The following CLYBL variants were observed in gnomAD, a reference collection of about 807,000 sequenced individuals.
The protein encoded by CLYBL is citramalyl-CoA lyase, mitochondrial.
A neutral mutation model predicts 38.9 loss-of-function variants in CLYBL; 31 were observed. That is an observed-to-expected ratio of 0.80 (90% CI 0.60 to 1.08). CLYBL has a LOEUF of 1.08. Ranked by LOEUF, CLYBL falls within the 50% of genes least tolerant of loss-of-function variation. The probability of loss-of-function intolerance (pLI) is 0.00; values close to 1 mark genes in which losing one functional copy is unlikely to be tolerated. For synonymous variants in CLYBL, 171 were observed against 158.6 expected, an observed-to-expected ratio of 1.08 and a Z score of -0.59; for missense variants, 434 against 411.6, an observed-to-expected ratio of 1.05 and a Z score of -0.47.
At chr13:99,850,148 G>A (rs1030620473) in intron 2 of CLYBL, among the ~76,000 whole-genome samples, 5 of 152,106 alleles carry the variant, frequency 3.3e-5, no homozygotes, top group Non-Finnish European at 5.9e-5. Context: ...TAGATAATTG[G>A]ACTTTAGTAA....
chr13:99,618,759 A>T (rs2046751628), intron 1 of CLYBL, among the ~76,000 whole-genome samples: 1 of 151,834 alleles, frequency 6.6e-6, no homozygotes, highest in Non-Finnish European at 1.5e-5. Context: ...CATTATTTTC[A>T]CTGTGAATTT....
At chr13:99,714,285 G>A (rs1234709592) in intron 1 of CLYBL, among the ~76,000 whole-genome samples, 10 of 152,012 alleles carry the variant, frequency 6.6e-5, no homozygotes, top group Admixed American at 4.6e-4. Flanking sequence ...AACTTTTGTC[G>A]AAGGTCTGGT....
chr13:99,764,337 T>C (rs898671685), intron 1 of CLYBL, among the ~76,000 whole-genome samples: 4 of 152,206 alleles, frequency 2.6e-5, no homozygotes, highest in Non-Finnish European at 5.9e-5. Context: ...TTTAAATGTT[T>C]GGTAGGATGC....
Position 99,606,719 on chromosome 13 carries a change from G to T in CLYBL, c.24G>T (p.Arg8Ser). MALRLLR[R>S]AARGAAAAAL... ...AGATGGCGCTACGTCTGCTGCGGAG[G>T]GCGGCGCGCGGAGCTGCGGCGGCGG... Residue 8 changes from arginine to serine, a missense_variant, in exon 1 of 9, where the codon AGG becomes AGT. Arg to Ser is a moderately radical substitution (Grantham distance 110). Coordinates refer to ENST00000339105, the MANE Select transcript of CLYBL (RefSeq NM_206808.5). 6.7e-7 allele frequency: 1 copy of T among 1,492,252 alleles called. No homozygotes were observed. Among genetic ancestry groups the T allele is most frequent in the Admixed American group, 2.2e-5 (1 of 45,712 alleles). The allele number at this position is 1,492,252 out of a possible 1,614,324, so 92.4% of individuals were successfully genotyped here.
intron 1 of CLYBL, among the ~76,000 whole-genome samples, chr13:99,713,334 C>CTTTTTTTTTTTTTTTTTT (rs759844768): frequency 9.8e-6 from 1 of 101,672 alleles, no homozygotes; most frequent in African/African-American, 3.9e-5. Context: ...TTCTCTATTT[C>CTTTTTTTTTTTTTTTTTT]TTTTTTTTTT....
intron 2 of CLYBL, among the ~76,000 whole-genome samples, chr13:99,817,744 T>C (rs1466557520): frequency 6.6e-6 from 1 of 151,618 alleles, no homozygotes; most frequent in Non-Finnish European, 1.5e-5. Context: ...GGCTCATGCC[T>C]ATAATCCTAG....
chr13:99,701,929 C>T (rs2048072851), intron 1 of CLYBL, among the ~76,000 whole-genome samples: 1 of 152,168 alleles, frequency 6.6e-6, no homozygotes, highest in African/African-American at 2.4e-5. Flanking sequence ...ATCTTGGCCT[C>T]CCAAAGTGCT....
intron 1 of CLYBL, among the ~76,000 whole-genome samples, chr13:99,656,585 T>C (rs997379977): frequency 2.0e-5 from 3 of 152,246 alleles, no homozygotes; most frequent in African/African-American, 7.2e-5. Context: ...AGCCAATGTT[T>C]ACATGGCAGT....
chr13:99,886,526 A>G (rs531148413), intron 7 of CLYBL, among the ~76,000 whole-genome samples: 2 of 152,378 alleles, frequency 1.3e-5, no homozygotes, highest in South Asian at 2.1e-4. Context: ...CACCTCCAGG[A>G]GTCTGAAATC....
At chr13:99,780,469 C>T (rs1048947434) in intron 2 of CLYBL, among the ~76,000 whole-genome samples, 1 of 152,146 alleles carries the variant, frequency 6.6e-6, no homozygotes, top group Non-Finnish European at 1.5e-5. Context: ...CAAGCTCTGC[C>T]TCCTGGGTTC....
At chr13:99,622,715 A>G (rs1460370424) in intron 1 of CLYBL, among the ~76,000 whole-genome samples, 1 of 151,288 alleles carries the variant, frequency 6.6e-6, no homozygotes, top group Non-Finnish European at 1.5e-5. Context: ...CCTCTCCTCA[A>G]CCCCTGGCAA....
chr13:99,701,993 AAGT>A (rs2048074197), intron 1 of CLYBL, among the ~76,000 whole-genome samples: 3 of 152,186 alleles, frequency 2.0e-5, no homozygotes, highest in African/African-American at 7.2e-5. Context: ...TCTCCCCTGT[AAGT>A]AGCAGCCAAC....
intron 8 of CLYBL, among the ~76,000 whole-genome samples, chr13:99,902,599 A>T (rs2052654921): frequency 1.3e-5 from 2 of 152,230 alleles, no homozygotes; most frequent in Non-Finnish European, 2.9e-5. Flanking sequence ...TGTAGCGTTT[A>T]TAAAAATTGT....
intron 1 of CLYBL, among the ~76,000 whole-genome samples, chr13:99,691,950 G>C (rs1192172074): frequency 3.3e-5 from 5 of 152,174 alleles, no homozygotes; most frequent in African/African-American, 4.8e-5. Flanking sequence ...GGAGCTCCCG[G>C]TCCCTGAGTT....
intron 1 of CLYBL, among the ~76,000 whole-genome samples, chr13:99,754,624 G>A (rs1164829293): frequency 6.6e-6 from 1 of 150,838 alleles, no homozygotes. Context: ...GCGTTCTGTA[G>A]CCCAGGCTGG....
chr13:99,678,143 C>T (rs941741457), intron 1 of CLYBL, among the ~76,000 whole-genome samples: 10 of 152,112 alleles, frequency 6.6e-5, no homozygotes, highest in African/African-American at 1.9e-4. Flanking sequence ...ATGGCATTAC[C>T]GATATTGTTG....
chr13:99,665,761 G>A (rs1172992712), intron 1 of CLYBL, among the ~76,000 whole-genome samples: 1 of 152,122 alleles, frequency 6.6e-6, no homozygotes, highest in Non-Finnish European at 1.5e-5. Flanking sequence ...ATATGTCCAT[G>A]GTTTTCTTTA....
intron 1 of CLYBL, among the ~76,000 whole-genome samples, chr13:99,625,497 T>G (rs2046856880): frequency 6.6e-6 from 1 of 152,186 alleles, no homozygotes; most frequent in Non-Finnish European, 1.5e-5. Context: ...TGTTAATAAT[T>G]TGAGGGATTA....
chr13:99,637,961 C>CTTT lies in CLYBL; in HGVS notation c.62+31204_62+31205insTTT, dbSNP rs1566595642. Among the ~76,000 whole-genome samples the CTTT allele has an allele frequency of 6.0e-4, 32 of 53,670 alleles. 2 individuals are homozygous for CTTT. The highest frequency in any genetic ancestry group is 2.6e-3 in the African/African-American group (32 of 12,138). The allele number at this position is 53,670 out of a possible 152,430, so 35.2% of individuals were successfully genotyped here. On this transcript the variant is annotated intron_variant, in intron 1 of 8. Transcript: ENST00000339105. ...TATCTAGTTATCCAAGTCAACAGTGCCTTTTTTTTTTTTTTTTTTTGAGAC... is the reference window on the plus strand; with the variant it reads ...TATCTAGTTATCCAAGTCAACAGTGCTTTCTTTTTTTTTTTTTTTTTTTGAGAC...
Sources: gnomAD v4.1 joint callset for allele counts (sites outside exome capture counted in the v4.1 genomes callset) on GRCh38, gnomAD v4.1.1 for gene constraint, MANE v1.5 for transcripts, NCBI Gene and HGNC (gene_info 2026-07-23, HGNC 2026-07-21) for gene names.